Variants in NEGR1 observed in about 807,000 individuals in gnomAD.
NEGR1 encodes neuronal growth regulator 1, also known as IgLON family member 4.
Under a neutral mutation model 40.9 loss-of-function variants are expected in NEGR1, and 10 were observed. That is an observed-to-expected ratio of 0.24 (90% CI 0.15 to 0.42). The LOEUF is 0.42. Ranked by LOEUF, NEGR1 falls within the 10% of genes least tolerant of loss-of-function variation. The probability of loss-of-function intolerance (pLI) is 1.00; values close to 1 mark genes in which losing one functional copy is unlikely to be tolerated. For synonymous variants in NEGR1, 185 were observed against 166.8 expected (o/e 1.11, Z -0.84); for missense variants, 352 against 438.9 (o/e 0.80, Z 1.77).
chr1:72,091,156 G>A (rs1260742914), intron 1 of NEGR1, among the ~76,000 whole-genome samples: 1 of 152,122 alleles, frequency 6.6e-6, no homozygotes, highest in African/African-American at 2.4e-5. Context: ...CTGGGGATGA[G>A]CATGAAGCTA....
At chr1:71,810,180 G>T (rs1657943637) in intron 2 of NEGR1, among the ~76,000 whole-genome samples, 1 of 152,100 alleles carries the variant, frequency 6.6e-6, no homozygotes, top group South Asian at 2.1e-4. Context: ...CAGAGGTTAA[G>T]CTACCCTTAA....
At chr1:72,013,963 TAAAAA>T (rs1161156816) in intron 1 of NEGR1, among the ~76,000 whole-genome samples, 1 of 88,488 alleles carries the variant, frequency 1.1e-5, no homozygotes, top group Non-Finnish European at 2.3e-5. Context: ...CTGTGAAAAA[TAAAAA>T]AAAAAAAAAA....
intron 6 of NEGR1, among the ~76,000 whole-genome samples, chr1:71,538,788 T>A (rs377697571): frequency 6.6e-6 from 1 of 151,712 alleles, no homozygotes; most frequent in Admixed American, 6.6e-5. Flanking sequence ...AACTTTCATG[T>A]ATTTATAGCT....
intron 1 of NEGR1, among the ~76,000 whole-genome samples, chr1:72,068,919 A>C (rs1167972335): frequency 6.6e-6 from 1 of 152,144 alleles, no homozygotes; most frequent in Non-Finnish European, 1.5e-5. Context: ...ATTTAATAGG[A>C]AGAAAAAATT....
At chr1:72,190,227 T>A (rs1353745802) in intron 1 of NEGR1, among the ~76,000 whole-genome samples, 6 of 151,632 alleles carry the variant, frequency 4.0e-5, no homozygotes, top group Non-Finnish European at 3.0e-5. Flanking sequence ...TGCACATATT[T>A]TCTGAAGAAA....
chr1:71,787,666 T>C (rs1224991101), intron 2 of NEGR1, among the ~76,000 whole-genome samples: 1 of 152,166 alleles, frequency 6.6e-6, no homozygotes, highest in Non-Finnish European at 1.5e-5. Flanking sequence ...AGACACTTCA[T>C]CATTACATGT....
chr1:71,969,125 C>T (rs1344804210), intron 1 of NEGR1, among the ~76,000 whole-genome samples: 1 of 152,056 alleles, frequency 6.6e-6, no homozygotes, highest in Non-Finnish European at 1.5e-5. Context: ...AGCGATTCTC[C>T]TGCCTCAGCC....
At chr1:71,768,880 C>G (rs1656220218) in intron 3 of NEGR1, among the ~76,000 whole-genome samples, 1 of 152,046 alleles carries the variant, frequency 6.6e-6, no homozygotes, top group South Asian at 2.1e-4. Flanking sequence ...CTCAGGAGAT[C>G]TGGTTGTTTA....
chr1:72,125,999 C>T lies in NEGR1; in HGVS notation c.176+156320G>A, dbSNP rs146432123. On this transcript the variant is annotated intron_variant, in intron 1 of 6. Transcript: ENST00000357731. ...ATAAATAATTCTGGTTTGCGAATAG[C>T]AATAACACTAAATTCTTTTAAAAAT... Among the ~76,000 whole-genome samples, 17 of 151,494 alleles carry T rather than the reference C, an allele frequency of 1.1e-4. No homozygotes were observed. In the East Asian group the frequency reaches 2.5e-3, roughly 23 times the overall value.
chr1:71,756,419 A>G (rs1211618059), intron 3 of NEGR1, among the ~76,000 whole-genome samples: 1 of 151,378 alleles, frequency 6.6e-6, no homozygotes, highest in Admixed American at 6.6e-5. Context: ...AACAAAAAAA[A>G]AAAACCAAAA....
intron 1 of NEGR1, among the ~76,000 whole-genome samples, chr1:72,198,339 A>G (rs548610466): frequency 6.6e-6 from 1 of 151,968 alleles, no homozygotes; most frequent in Non-Finnish European, 1.5e-5. Flanking sequence ...CTGACATGAG[A>G]TGTAATATGG....
At chr1:71,558,587 T>C (rs1052547835) in intron 6 of NEGR1, among the ~76,000 whole-genome samples, 7 of 151,590 alleles carry the variant, frequency 4.6e-5, no homozygotes, top group African/African-American at 1.7e-4. Context: ...AGTTATAATA[T>C]AGCACCATCA....
chr1:71,818,756 A>AT (rs1449137307), intron 2 of NEGR1, among the ~76,000 whole-genome samples: 6 of 151,940 alleles, frequency 3.9e-5, no homozygotes, highest in Admixed American at 2.0e-4. Context: ...AAGGAGGTAA[A>AT]TTTTTTTAAC....
chr1:71,945,591 C>G (rs1646010872), intron 1 of NEGR1, among the ~76,000 whole-genome samples: 1 of 150,664 alleles, frequency 6.6e-6, no homozygotes, highest in Non-Finnish European at 1.5e-5. Flanking sequence ...CCCCTTTGAA[C>G]TGCCACAAAA....
chr1:72,266,742 C>T (rs1655656844), intron 1 of NEGR1, among the ~76,000 whole-genome samples: 1 of 149,722 alleles, frequency 6.7e-6, no homozygotes, highest in African/African-American at 2.4e-5. Context: ...CACACACACA[C>T]ACACACACAC....
rs114285822 is a variant in NEGR1, at chr1:71,678,721, G to T, written c.667+19287C>A. ...AGTTACTTGTTGGTTACTAGGCACA[G>T]TATTGAGAGCAGAGTTGGAATTAGC... On this transcript the variant is annotated intron_variant, in intron 4 of 6. Transcript: ENST00000357731. Among the ~76,000 whole-genome samples the T allele has an allele frequency of 4.3e-3, 651 of 152,188 alleles. 7 individuals carry two copies. Among genetic ancestry groups the T allele is most frequent in the African/African-American group, 0.015 (620 of 41,520 alleles).
intron 1 of NEGR1, among the ~76,000 whole-genome samples, chr1:72,270,825 G>A (rs749592208): frequency 6.6e-6 from 1 of 151,774 alleles, no homozygotes; most frequent in Non-Finnish European, 1.5e-5. Context: ...TCTTTTGAGT[G>A]CTCTGGGTCT....
chr1:71,819,682 A>C (rs904778464), intron 2 of NEGR1, among the ~76,000 whole-genome samples: 1 of 152,034 alleles, frequency 6.6e-6, no homozygotes, highest in Non-Finnish European at 1.5e-5. Context: ...AGATGCTATC[A>C]TATGCATATC....
At chr1:71,569,943 A>G (rs1389260646) in intron 6 of NEGR1, among the ~76,000 whole-genome samples, 1 of 151,844 alleles carries the variant, frequency 6.6e-6, no homozygotes, top group Non-Finnish European at 1.5e-5. Context: ...GTTGGTGGTT[A>G]TAGAGTAACA....
Sources: allele counts gnomAD v4.1 joint callset (sites outside exome capture counted in the v4.1 genomes callset), GRCh38; gene constraint gnomAD v4.1.1; transcripts MANE v1.5; gene names NCBI Gene and HGNC (gene_info 2026-07-23, HGNC 2026-07-21).